ELF5: variants seen among roughly 807,000 people sequenced by gnomAD.
ELF5 encodes the protein E74 like ETS transcription factor 5.
In ELF5, 31 loss-of-function variants were observed where a neutral mutation model predicts 38.2. The ratio of observed to expected loss-of-function variants is 0.81; its 90% CI spans 0.61 to 1.10. The LOEUF (loss-of-function observed/expected upper bound fraction) is 1.10. Among genes scored for constraint, ELF5 ranks in the 50% least tolerant of loss-of-function variants. The pLI is 0.00. For synonymous variants in ELF5, 121 were observed against 112.5 expected (o/e 1.08, Z -0.48); for missense variants, 300 against 306.6 (o/e 0.98, Z 0.16).
At chr11:34,513,115 C>T (rs1590348316) in intron 1 of ELF5, among the ~76,000 whole-genome samples, 1 of 152,228 alleles carries the variant, frequency 6.6e-6, no homozygotes, top group Non-Finnish European at 1.5e-5. Context: ...AAAACGCTAA[C>T]CATTGCTTTT....
At chr11:34,485,921 C>T (rs1467208338) in intron 4 of ELF5, among the ~76,000 whole-genome samples, 1 of 152,110 alleles carries the variant, frequency 6.6e-6, no homozygotes, top group Non-Finnish European at 1.5e-5. Context: ...CTCTCCCTTG[C>T]TCACAACTTT....
chr11:34,509,167 T>C (rs374573605), intron 1 of ELF5, among the ~76,000 whole-genome samples: 2 of 152,164 alleles, frequency 1.3e-5, no homozygotes, highest in South Asian at 4.2e-4. Flanking sequence ...CCGTCTCCAC[T>C]AAAAACACAA....
At position 34,481,499 on chromosome 11, in the gene ELF5, C is replaced by T. The variant is rs190660571; in HGVS notation, c.476-532G>A. Among the ~76,000 whole-genome samples, 16 of 152,238 alleles carry T rather than the reference C, an allele frequency of 1.1e-4. No individual in the cohort carries two copies. The East Asian group carries it at 3.1e-3, about 29-fold the overall frequency. On this transcript the variant is annotated intron_variant, in intron 5 of 6. Coordinates refer to ENST00000257832, the MANE Select transcript of ELF5 (RefSeq NM_001422.4). ...TGTGAAACACACATTCAGAGACACC[C>T]AATTTACATGACTGGCAACACTGTG...
At position 34,505,637 on chromosome 11, in the gene ELF5, T is replaced by C; in HGVS notation, c.113A>G (p.His38Arg). Residue 38 changes from histidine to arginine, a missense_variant, in exon 2 of 7, where the codon CAT becomes CGT. Transcript: ENST00000257832. ...CCTTCAAATGTACGCACCTGTCTGA[T>C]GCTCAAAGGCAGGGTAGTACTCTTC... ...SNEEYYPAFEHQTACDSYWTS... is the reference protein window; with the variant it reads ...SNEEYYPAFERQTACDSYWTS... The C allele has an allele frequency of 6.8e-6, 11 of 1,613,974 alleles. No individual in the cohort carries two copies. Among genetic ancestry groups the C allele is most frequent in the Non-Finnish European group, 9.3e-6 (11 of 1,179,888 alleles).
At chr11:34,493,977 A>T (rs1850250360) in intron 2 of ELF5, among the ~76,000 whole-genome samples, 1 of 152,236 alleles carries the variant, frequency 6.6e-6, no homozygotes, top group Non-Finnish European at 1.5e-5. Context: ...ATGCTCAAAA[A>T]AAAAGGCATT....
At chr11:34,504,465 C>T (rs1167191220) in intron 2 of ELF5, among the ~76,000 whole-genome samples, 1 of 151,996 alleles carries the variant, frequency 6.6e-6, no homozygotes, top group East Asian at 1.9e-4. Flanking sequence ...TGTGGGATTG[C>T]ATTATGTAGG....
At chr11:34,489,812 C>T (rs909695616) in intron 4 of ELF5, among the ~76,000 whole-genome samples, 197 bp downstream of exon 4, 2 of 151,902 alleles carry the variant, frequency 1.3e-5, no homozygotes, top group Non-Finnish European at 2.9e-5. Context: ...TCCATAGACC[C>T]AAGCTATGGT....
At chr11:34,487,935 T>C (rs1850047919) in intron 4 of ELF5, among the ~76,000 whole-genome samples, 1 of 152,130 alleles carries the variant, frequency 6.6e-6, no homozygotes. Context: ...CTTTGGTTCT[T>C]TCTCTAAGAC....
At chr11:34,499,784 G>C (rs968671517) in intron 2 of ELF5, among the ~76,000 whole-genome samples, 2 of 152,144 alleles carry the variant, frequency 1.3e-5, no homozygotes, top group African/African-American at 4.8e-5. Context: ...GGAGTGGAAG[G>C]GACCTTCCAA....
intron 2 of ELF5, among the ~76,000 whole-genome samples, chr11:34,503,466 CT>C (rs11398352): frequency 1.6e-4 from 23 of 140,022 alleles, no homozygotes; most frequent in East Asian, 8.7e-4. Context: ...GCTCCCCAAC[CT>C]TTTTTTTTTA....
At chr11:34,483,108 C>G (rs544766968) in intron 4 of ELF5, among the ~76,000 whole-genome samples, 125 of 151,960 alleles carry the variant, frequency 8.2e-4, no homozygotes, top group Non-Finnish European at 1.6e-3. Context: ...GCTTCAGGCT[C>G]TCCAGAAACG....
At chr11:34,506,813 C>T (rs980940315) in intron 1 of ELF5, among the ~76,000 whole-genome samples, 2 of 150,828 alleles carry the variant, frequency 1.3e-5, no homozygotes, top group African/African-American at 2.4e-5. Context: ...AGAAACTGGC[C>T]GAAAAAAATA....
chr11:34,510,869 T>C (rs1187686019), intron 1 of ELF5, among the ~76,000 whole-genome samples: 1 of 152,182 alleles, frequency 6.6e-6, no homozygotes. Flanking sequence ...CCACCTAGTG[T>C]CAGCGCCAGT....
intron 1 of ELF5, among the ~76,000 whole-genome samples, chr11:34,509,566 G>A (rs986710761): frequency 1.3e-5 from 2 of 151,480 alleles, no homozygotes; most frequent in South Asian, 4.2e-4. Context: ...GGCTGCCTGG[G>A]TTTGGGCTGT....
At chr11:34,484,290 T>G (rs1364765312) in intron 4 of ELF5, among the ~76,000 whole-genome samples, 3 of 151,686 alleles carry the variant, frequency 2.0e-5, no homozygotes, top group Non-Finnish European at 4.4e-5. Context: ...CTGTAATAAC[T>G]GTACTATACT....
chr11:34,493,559 A>T lies in ELF5; in HGVS notation c.275T>A (p.Met92Lys). 1 of 1,614,226 alleles carries T rather than the reference A, an allele frequency of 6.2e-7. No individual in the cohort carries two copies. The highest frequency in any genetic ancestry group is 8.5e-7 in the Non-Finnish European group (1 of 1,180,046). Reference protein sequence around the residue: ...FNISGLQLCSMTQEEFVEAAG... With the variant: ...FNISGLQLCSKTQEEFVEAAG... ...TGCCTCGACGAACTCCTCCTGTGTCATGCTGCACAGCTGCAGGCCACTGAT... is the reference window on the plus strand; with the variant it reads ...TGCCTCGACGAACTCCTCCTGTGTCTTGCTGCACAGCTGCAGGCCACTGAT... The change falls in exon 3 of 7, where the codon ATG (methionine) becomes AAG (lysine). Residue 92 changes from methionine (M) to lysine (K), a missense_variant. By Grantham distance (95) the Met-to-Lys change is moderately conservative. Coordinates refer to ENST00000257832, the MANE Select transcript of ELF5 (RefSeq NM_001422.4).
At chr11:34,508,171 G>A (rs548204855) in intron 1 of ELF5, among the ~76,000 whole-genome samples, 2 of 152,266 alleles carry the variant, frequency 1.3e-5, no homozygotes, top group East Asian at 3.9e-4. Flanking sequence ...TAGGCAAAAT[G>A]CAGTCCCTCA....
intron 5 of ELF5, among the ~76,000 whole-genome samples, chr11:34,481,604 C>T (rs1401814794): frequency 1.3e-5 from 2 of 152,156 alleles, no homozygotes; most frequent in African/African-American, 4.8e-5. Flanking sequence ...TTTCATTCTT[C>T]TTTCTGACAG....
chr11:34,488,701 G>C (rs573106669), intron 4 of ELF5, among the ~76,000 whole-genome samples: 3 of 152,178 alleles, frequency 2.0e-5, no homozygotes, highest in African/African-American at 7.2e-5. Flanking sequence ...TCCTTTTGTC[G>C]TGTGGAAGGC....
Sources: gnomAD v4.1 joint callset for allele counts (sites outside exome capture counted in the v4.1 genomes callset) on GRCh38, gnomAD v4.1.1 for gene constraint, MANE v1.5 for transcripts, NCBI Gene and HGNC (gene_info 2026-07-23, HGNC 2026-07-21) for gene names.